Variants in KCNG1 observed in about 807,000 individuals in gnomAD.
KCNG1 encodes the protein potassium voltage-gated channel modifier subfamily G member 1, also known as voltage-gated potassium channel regulatory subunit KCNG1.
Under a neutral mutation model 32.4 loss-of-function variants are expected in KCNG1, and 17 were observed. The observed-to-expected ratio is 0.52, with a 90% CI of 0.36 to 0.79. KCNG1 has a LOEUF of 0.79. Ranked by LOEUF, KCNG1 falls within the 30% of genes least tolerant of loss-of-function variation. The pLI is 0.00. For synonymous variants in KCNG1, 358 were observed against 339.9 expected, an observed-to-expected ratio of 1.05 and a Z score of -0.59; for missense variants, 441 against 735.2, an observed-to-expected ratio of 0.60 and a Z score of 4.63.
intron 2 of KCNG1, chr20:51,006,328 G>A (rs917685993): frequency 1.6e-4 from 25 of 152,136 alleles, no homozygotes; most frequent in Admixed American, 9.2e-4. Context: ...CAAAACAGTG[G>A]CTTTATTAGT....
intron 1 of KCNG1, among the ~76,000 whole-genome samples, chr20:51,021,221 G>A (rs767482659): frequency 3.4e-4 from 52 of 152,212 alleles, no homozygotes; most frequent in Non-Finnish European, 1.3e-4. Flanking sequence ...CCCGTGGAAC[G>A]GGCTGGCTTC....
In KCNG1 at chr20:51,015,759, G is replaced by C. The variant is rs143067344; in HGVS notation, c.-26-5395C>G. On this transcript the variant is annotated intron_variant, in intron 1 of 2. Transcript: ENST00000371571. This position sits in a 1 kb window ranked among gnomAD's most constrained non-coding sequence, Gnocchi z 4.4. ...AACGAAGGTTACAGGTGGAATTAAG[G>C]CTGCTACAGCTGATCTGAGATGGGA... is the stretch of plus-strand genomic sequence containing the variant. 8.5e-5 allele frequency among the ~76,000 whole-genome samples: 13 copies of C among 152,350 alleles called. No homozygotes were observed. The highest frequency in any genetic ancestry group is 3.1e-4 in the African/African-American group (13 of 41,572).
In KCNG1 at chr20:51,017,590, C is replaced by T. The variant is rs544380234; in HGVS notation, c.-27+5280G>A. Among the ~76,000 whole-genome samples the T allele has an allele frequency of 5.9e-5, 9 of 152,186 alleles. No homozygotes were observed. The East Asian group carries it at 1.4e-3, about 23-fold the overall frequency. On this transcript the variant is annotated intron_variant, in intron 1 of 2. Coordinates refer to ENST00000371571, the MANE Select transcript of KCNG1 (RefSeq NM_002237.4). ...AAAAGAAAAACGAAGAGCACAGGAACGACAGAACCTTCTGAATTGCTCGGG... is the reference window on the plus strand; with the variant it reads ...AAAAGAAAAACGAAGAGCACAGGAATGACAGAACCTTCTGAATTGCTCGGG...
chr20:51,010,434 CG>C, intron 1 of KCNG1, 70 bp from the exon 2 acceptor site: 1 of 1,063,722 alleles, frequency 9.4e-7, no homozygotes, highest in Non-Finnish European at 1.3e-6. Flanking sequence ...ATGCAGATTC[CG>C]CAGATATTCA....
intron 1 of KCNG1, among the ~76,000 whole-genome samples, chr20:51,016,408 G>C (rs1378509920): frequency 1.3e-5 from 2 of 152,086 alleles, no homozygotes; most frequent in African/African-American, 4.8e-5. Flanking sequence ...TTGCACTCCA[G>C]CCTGGGCGAC....
chr20:51,015,759 G>T lies in KCNG1; in HGVS notation c.-26-5395C>A, dbSNP rs143067344. Among the ~76,000 whole-genome samples, 41 of 152,350 alleles carry T rather than the reference G, an allele frequency of 2.7e-4. No homozygotes were observed. The highest frequency in any genetic ancestry group is 8.4e-4 in the African/African-American group (35 of 41,572). On this transcript the variant is annotated intron_variant, in intron 1 of 2. Coordinates refer to ENST00000371571, the MANE Select transcript of KCNG1 (RefSeq NM_002237.4). This position sits in a 1 kb window ranked among gnomAD's most constrained non-coding sequence, Gnocchi z 4.4. Reference sequence around the variant, plus strand: ...AACGAAGGTTACAGGTGGAATTAAGGCTGCTACAGCTGATCTGAGATGGGA... The same window carrying T: ...AACGAAGGTTACAGGTGGAATTAAGTCTGCTACAGCTGATCTGAGATGGGA...
At chr20:51,022,843 C>T (rs867496179) in intron 1 of KCNG1, 27 bp downstream of exon 1, 2 of 152,226 alleles carry the variant, frequency 1.3e-5, no homozygotes, top group South Asian at 4.1e-4. Flanking sequence ...TGGCGCCCGG[C>T]GAGGCTGCAG....
intron 1 of KCNG1, among the ~76,000 whole-genome samples, chr20:51,013,195 G>A (rs1437666626): frequency 2.0e-5 from 3 of 152,034 alleles, no homozygotes; most frequent in Non-Finnish European, 4.4e-5. Flanking sequence ...CCAGCTACTC[G>A]GGAGGCTGAG....
In KCNG1 at chr20:51,004,486, C is replaced by T; in HGVS notation, c.1095G>A (p.Thr365=). The change falls in exon 3 of 3, where the codon ACG becomes ACA. Residue 365 remains threonine (T), a synonymous_variant. Transcript: ENST00000371571. This position sits in a 1 kb window ranked among gnomAD's most constrained non-coding sequence, Gnocchi z 4.3. ...TGCAGCGGCGGGCCGTGAGCCCCAG[C>T]GTCTGCAGCCCCAGGGAGTGGCGCG... is the stretch of plus-strand genomic sequence containing the variant. ...RLARHSLGLQ[T]LGLTARRCTR... The T allele has an allele frequency of 1.3e-6, 2 of 1,596,196 alleles. No individual in the cohort carries two copies. The highest frequency in any genetic ancestry group is 8.5e-7 in the Non-Finnish European group (1 of 1,172,124).
rs1448155653 is a variant in KCNG1 at position 51,004,585 on chromosome 20, G to A, written c.996C>T (p.Asn332=). 2 of 1,578,870 alleles carry A rather than the reference G, an allele frequency of 1.3e-6. No homozygotes were observed. Among genetic ancestry groups the A allele is most frequent in the Admixed American group, 3.7e-5 (2 of 54,606 alleles). ...CCAGCCCCACCTTGTCCAGGTAGCT[G>A]TTGCCCGCGCCGGGCTTGCGACGGC... is the stretch of plus-strand genomic sequence containing the variant. The part of the protein sequence containing the change: ...AAGRRKPGAG[N]SYLDKVGLVL... The change falls in exon 3 of 3, where the codon AAC becomes AAT. Residue 332 remains asparagine (N), a synonymous_variant. Transcript: ENST00000371571. The surrounding 1 kb of genome is among the most constrained non-coding windows in gnomAD (Gnocchi z 4.3).
At chr20:51,014,240 T>C (rs1234865964) in intron 1 of KCNG1, 1 of 152,234 alleles carries the variant, frequency 6.6e-6, no homozygotes, top group East Asian at 1.9e-4. Flanking sequence ...TATTTCTCCA[T>C]GGCCTTTGGT....
chr20:51,004,052 C>A lies in KCNG1; in HGVS notation c.1529G>T (p.Arg510Ile), dbSNP rs763411967. ...ILFGSASSDT[R>I]DNN ...TGTCCTCCGCGCTCAGTTATTGTCT[C>A]TGGTGTCCGAGGAGGCACTTCCGAA... Residue 510 changes from arginine (R) to isoleucine (I), a missense_variant, in exon 3 of 3, where the codon AGA becomes ATA. Around this residue, in one of 6 missense-constraint regions of KCNG1, gnomAD observed 53 missense variants for 79.1 expected, o/e 0.67. Coordinates refer to ENST00000371571, the MANE Select transcript of KCNG1 (RefSeq NM_002237.4). The surrounding 1 kb of genome is among the most constrained non-coding windows in gnomAD (Gnocchi z 4.3). The A allele has an allele frequency of 2.9e-5, 47 of 1,614,010 alleles. 2 individuals carry two copies. In the South Asian group the frequency reaches 4.8e-4, roughly 17 times the overall value.
intron 1 of KCNG1, among the ~76,000 whole-genome samples, chr20:51,014,855 G>T (rs556018664): frequency 1.2e-4 from 18 of 152,182 alleles, no homozygotes; most frequent in African/African-American, 3.6e-4. Flanking sequence ...GGGTTGAGCC[G>T]CATGGATAGA....
intron 1 of KCNG1, among the ~76,000 whole-genome samples, chr20:51,011,059 A>G (rs1376349171): frequency 6.6e-6 from 1 of 152,250 alleles, no homozygotes; most frequent in African/African-American, 2.4e-5. Context: ...CAGCCGGCAG[A>G]ACTGGGAGAA....
chr20:51,019,820 G>A (rs540208730), intron 1 of KCNG1, among the ~76,000 whole-genome samples: 6 of 152,178 alleles, frequency 3.9e-5, no homozygotes, highest in African/African-American at 7.2e-5. Flanking sequence ...TGGCCGAGCC[G>A]ACTCAGAGGC....
intron 1 of KCNG1, among the ~76,000 whole-genome samples, chr20:51,021,603 T>C (rs1274132857): frequency 2.0e-5 from 3 of 152,300 alleles, no homozygotes; most frequent in Admixed American, 6.5e-5. Context: ...GACCAGTTCC[T>C]GCTCCCTCCT....
Position 51,010,266 on chromosome 20 carries a change from G to T in KCNG1, c.73C>A (p.His25Asn). 1.3e-6 allele frequency: 2 copies of T among 1,530,042 alleles called. No individual in the cohort carries two copies. Among genetic ancestry groups the T allele is most frequent in the East Asian group, 4.5e-5 (2 of 44,370 alleles). The allele number at this position is 1,530,042 out of a possible 1,614,324, so 94.8% of individuals were successfully genotyped here. Residue 25 changes from histidine (H) to asparagine (N), a missense_variant, in exon 2 of 3, where the codon CAC becomes AAC. Coordinates refer to ENST00000371571, the MANE Select transcript of KCNG1 (RefSeq NM_002237.4). The part of the protein sequence containing the change: ...ALSCTSDASF[H>N]PAFLPQRQAI... ...TGGCGCTGCGGGAGGAAGGCCGGGTGGAAGGAGGCGTCCGAGGTGCAGCTC... is the reference window on the plus strand; with the variant it reads ...TGGCGCTGCGGGAGGAAGGCCGGGTTGAAGGAGGCGTCCGAGGTGCAGCTC...
chr20:51,008,237 G>A (rs1987912968), intron 2 of KCNG1, among the ~76,000 whole-genome samples: 1 of 152,168 alleles, frequency 6.6e-6, no homozygotes, highest in African/African-American at 2.4e-5. Context: ...TGTGGACTTG[G>A]ATCTCCCCAG....
chr20:51,019,303 A>G (rs981507253), intron 1 of KCNG1, among the ~76,000 whole-genome samples: 5 of 152,206 alleles, frequency 3.3e-5, no homozygotes, highest in Non-Finnish European at 7.3e-5. Context: ...CTTGAGTTCC[A>G]GAGTTCAAGG....
Sources: allele counts gnomAD v4.1 joint callset (sites outside exome capture counted in the v4.1 genomes callset), GRCh38; gene constraint gnomAD v4.1.1; regional missense constraint gnomAD v4.1.1; non-coding constraint Gnocchi (gnomAD v3.1); transcripts MANE v1.5; gene names NCBI Gene and HGNC (gene_info 2026-07-23, HGNC 2026-07-21).